DLGAP1: variants seen among roughly 807,000 people sequenced by gnomAD.
The protein encoded by DLGAP1 is DLG associated protein 1.
DLGAP1 carries 11 observed loss-of-function variants against 90.8 expected under a neutral mutation model. The ratio of observed to expected loss-of-function variants is 0.12; its 90% CI spans 0.08 to 0.20. The LOEUF is 0.20. Among genes scored for constraint, DLGAP1 ranks in the 10% least tolerant of loss-of-function variants. The probability of loss-of-function intolerance (pLI) is 1.00; values close to 1 mark genes in which losing one functional copy is unlikely to be tolerated. For missense variants in DLGAP1, 1,050 were observed against 1,333.8 expected (o/e 0.79, Z 3.31); for synonymous variants, 558 against 540.7 (o/e 1.03, Z -0.44).
At chr18:4,250,254 A>T (rs930802151) in intron 1 of DLGAP1, among the ~76,000 whole-genome samples, 2 of 152,222 alleles carry the variant, frequency 1.3e-5, no homozygotes, top group Non-Finnish European at 2.9e-5. Flanking sequence ...TTATTAACCA[A>T]GAGGGCAAAA....
At chr18:3,809,655 G>T (rs1346393612) in intron 5 of DLGAP1, among the ~76,000 whole-genome samples, 2 of 152,162 alleles carry the variant, frequency 1.3e-5, no homozygotes, top group Admixed American at 1.3e-4. Flanking sequence ...TCCAGGGGGA[G>T]AATTTTTCTT....
chr18:4,000,350 G>A (rs1023611492), intron 3 of DLGAP1, among the ~76,000 whole-genome samples: 2 of 151,954 alleles, frequency 1.3e-5, no homozygotes, highest in Non-Finnish European at 2.9e-5. Flanking sequence ...TGATATCCTT[G>A]AGGCAATCAC....
At position 4,184,837 on chromosome 18, in the gene DLGAP1, C is replaced by T. The variant is rs1393759990; in HGVS notation, c.-266-33550G>A. On this transcript the variant is annotated intron_variant, in intron 1 of 12. Transcript: ENST00000315677. The stretch of plus-strand genomic sequence containing the variant: ...AGGAATGTTTCTTCCATTCTAAGCA[C>T]CCTGCAAAAGCCATTTATATTCTGA... Among the ~76,000 whole-genome samples, 3 of 152,094 alleles carry T rather than the reference C, an allele frequency of 2.0e-5. No individual in the cohort carries two copies. In the East Asian group the frequency reaches 5.8e-4, roughly 29 times the overall value.
At chr18:4,143,695 C>G (rs1298131265) in intron 2 of DLGAP1, among the ~76,000 whole-genome samples, 2 of 152,030 alleles carry the variant, frequency 1.3e-5, no homozygotes, top group African/African-American at 2.4e-5. Context: ...GTCTCTACCC[C>G]TAGTCACCCA....
At position 3,635,409 on chromosome 18, in the gene DLGAP1, G is replaced by C. The variant is rs536686586; in HGVS notation, c.1592-53161C>G. ...CCTCCTCGGCCTCCCAAAGTGCTGG[G>C]ATTACAGGCGTGAGCCACCGCGCCC... On this transcript the variant is annotated intron_variant, in intron 7 of 12. Transcript: ENST00000315677. Among the ~76,000 whole-genome samples the C allele has an allele frequency of 1.6e-3, 239 of 151,462 alleles. 1 individual carries two copies. The highest frequency in any genetic ancestry group is 3.4e-3 in the Middle Eastern group (1 of 292).
chr18:3,741,043 TCAC>T (rs1568047835), intron 6 of DLGAP1, among the ~76,000 whole-genome samples: 4 of 20,210 alleles, frequency 2.0e-4, no homozygotes, highest in Admixed American at 5.7e-4. Flanking sequence ...CACCATCACC[TCAC>T]CACCACCACC....
intron 2 of DLGAP1, among the ~76,000 whole-genome samples, chr18:4,010,901 C>T (rs537645837): frequency 2.0e-4 from 31 of 151,632 alleles, no homozygotes; most frequent in African/African-American, 7.5e-4. Context: ...TCCGGCCAGG[C>T]ACAGTGGCTC....
chr18:4,216,890 C>T (rs1212773905), intron 1 of DLGAP1, among the ~76,000 whole-genome samples: 1 of 151,942 alleles, frequency 6.6e-6, no homozygotes, highest in South Asian at 2.1e-4. Flanking sequence ...TATTATTAAC[C>T]GAAGTCCATA....
chr18:3,976,649 G>T (rs900362124), intron 3 of DLGAP1, among the ~76,000 whole-genome samples: 2 of 152,074 alleles, frequency 1.3e-5, no homozygotes, highest in Non-Finnish European at 1.5e-5. Context: ...ATAATTTGAG[G>T]TTAAATTATT....
intron 7 of DLGAP1, among the ~76,000 whole-genome samples, chr18:3,628,122 C>A (rs1483841660): frequency 6.6e-6 from 1 of 151,766 alleles, no homozygotes; most frequent in African/African-American, 2.4e-5. Flanking sequence ...GTGGTCCACC[C>A]GCCTTGGCCT....
chr18:4,348,021 T>C (rs1027053356), intron 1 of DLGAP1, among the ~76,000 whole-genome samples: 2 of 152,150 alleles, frequency 1.3e-5, no homozygotes, highest in Non-Finnish European at 2.9e-5. Flanking sequence ...TACATTGCAT[T>C]ATAAATAAAT....
chr18:3,816,770 C>T (rs1028035143), intron 4 of DLGAP1, among the ~76,000 whole-genome samples: 4 of 152,158 alleles, frequency 2.6e-5, no homozygotes, highest in Admixed American at 2.6e-4. Flanking sequence ...TTCAATGAGG[C>T]AGTTCCTAGG....
chr18:3,769,869 A>T (rs924869611), intron 5 of DLGAP1: 3 of 152,076 alleles, frequency 2.0e-5, no homozygotes, highest in Non-Finnish European at 2.9e-5. Flanking sequence ...AACTGGGTAT[A>T]AGGTGCATGA....
At chr18:3,684,203 T>C (rs2060621807) in intron 7 of DLGAP1, among the ~76,000 whole-genome samples, 1 of 151,920 alleles carries the variant, frequency 6.6e-6, no homozygotes, top group South Asian at 2.1e-4. Context: ...TTTCCTTTTC[T>C]TTTTGAGACA....
intron 1 of DLGAP1, among the ~76,000 whole-genome samples, chr18:4,186,905 T>A (rs1420818937): frequency 6.6e-6 from 1 of 152,186 alleles, no homozygotes; most frequent in African/African-American, 2.4e-5. Context: ...AAGCATGGGA[T>A]GTTTTTCCAT....
At chr18:4,053,196 A>T (rs1386784446) in intron 2 of DLGAP1, among the ~76,000 whole-genome samples, 1 of 152,236 alleles carries the variant, frequency 6.6e-6, no homozygotes, top group East Asian at 1.9e-4. Context: ...AGACTGGTTA[A>T]TTTATATTGG....
intron 1 of DLGAP1, among the ~76,000 whole-genome samples, chr18:4,313,441 C>A (rs555476520): frequency 1.3e-5 from 2 of 152,138 alleles, no homozygotes; most frequent in East Asian, 3.9e-4. Context: ...GAGGGGAGTG[C>A]AACCTGGTCA....
chr18:3,563,703 T>A (rs1323943200), intron 9 of DLGAP1, among the ~76,000 whole-genome samples: 1 of 152,036 alleles, frequency 6.6e-6, no homozygotes, highest in African/African-American at 2.4e-5. Context: ...TCCTGAGCTC[T>A]GGTGATCCGC....
chr18:4,095,536 T>C (rs1167819245), intron 2 of DLGAP1, among the ~76,000 whole-genome samples: 5 of 152,160 alleles, frequency 3.3e-5, no homozygotes, highest in Admixed American at 2.0e-4. Flanking sequence ...ATAAAGAATA[T>C]AGGAGACAAG....
Sources: allele counts gnomAD v4.1 joint callset (sites outside exome capture counted in the v4.1 genomes callset), GRCh38; gene constraint gnomAD v4.1.1; transcripts MANE v1.5; gene names NCBI Gene and HGNC (gene_info 2026-07-23, HGNC 2026-07-21).